The following PRKG1 variants were observed in gnomAD, a reference collection of about 807,000 sequenced individuals.
PRKG1 encodes cGMP-dependent protein kinase 1.
A neutral mutation model predicts 88.1 loss-of-function variants in PRKG1; 35 were observed. The ratio of observed to expected loss-of-function variants is 0.40; its 90% CI spans 0.30 to 0.53. The LOEUF (loss-of-function observed/expected upper bound fraction) is 0.53. Among genes scored for constraint, PRKG1 ranks in the 20% least tolerant of loss-of-function variants. The pLI is 0.59. For missense variants in PRKG1, 540 were observed against 839.8 expected, an observed-to-expected ratio of 0.64 and a Z score of 4.41; for synonymous variants, 303 against 292.5, an observed-to-expected ratio of 1.04 and a Z score of -0.37.
At chr10:51,848,307 A>G (rs1383600751) in intron 4 of PRKG1, among the ~76,000 whole-genome samples, 1 of 152,226 alleles carries the variant, frequency 6.6e-6, no homozygotes, top group African/African-American at 2.4e-5. Flanking sequence ...TAGATGTAAC[A>G]TGGAGAAAAA....
At chr10:52,117,198 G>GTGTGTGTGTGTA (rs1847709973) in intron 7 of PRKG1, among the ~76,000 whole-genome samples, 1 of 149,832 alleles carries the variant, frequency 6.7e-6, no homozygotes, top group Non-Finnish European at 1.5e-5. Flanking sequence ...GTGTGTGTGT[G>GTGTGTGTGTGTA]TGTATGATTG....
intron 3 of PRKG1, among the ~76,000 whole-genome samples, chr10:51,624,127 A>G (rs1839277152): frequency 6.6e-6 from 1 of 152,150 alleles, no homozygotes; most frequent in Non-Finnish European, 1.5e-5. Context: ...TATGTTAGAG[A>G]ATCTAATTTT....
At chr10:51,859,064 G>A (rs1437567618) in intron 4 of PRKG1, among the ~76,000 whole-genome samples, 1 of 152,128 alleles carries the variant, frequency 6.6e-6, no homozygotes, top group Non-Finnish European at 1.5e-5. Flanking sequence ...AAAGTGATGA[G>A]GCCCAGAGGA....
At position 52,043,472 on chromosome 10, in the gene PRKG1, A is replaced by G. The variant is rs79202790; in HGVS notation, c.763-11012A>G. On this transcript the variant is annotated intron_variant, in intron 5 of 17. Coordinates refer to ENST00000373980, the MANE Select transcript of PRKG1 (RefSeq NM_006258.4). ...AAATAAGTCAAACATAAAAAGCTAC[A>G]TACTGCATGATCTCACTTATATGTG... 3.5e-4 allele frequency among the ~76,000 whole-genome samples: 54 copies of G among 152,218 alleles called. No individual in the cohort carries two copies. The East Asian group carries it at 8.1e-3, about 23-fold the overall frequency.
chr10:51,478,755 A>AAG (rs60972191), intron 3 of PRKG1, among the ~76,000 whole-genome samples: 1 of 151,508 alleles, frequency 6.6e-6, no homozygotes, highest in Non-Finnish European at 1.5e-5. Context: ...AAAAAAAAAA[A>AAG]TGGGATTTTT....
chr10:51,043,730 G>A (rs1051070350), intron 1 of PRKG1, among the ~76,000 whole-genome samples: 8 of 152,098 alleles, frequency 5.3e-5, no homozygotes, highest in South Asian at 2.1e-4. Flanking sequence ...TTATCCCATA[G>A]CACAGTACAT....
At chr10:51,267,677 T>G (rs1177905200) in intron 2 of PRKG1, among the ~76,000 whole-genome samples, 1 of 152,172 alleles carries the variant, frequency 6.6e-6, no homozygotes, top group East Asian at 1.9e-4. Flanking sequence ...GTTCAAAGAC[T>G]TAAATCTAAG....
intron 5 of PRKG1, among the ~76,000 whole-genome samples, chr10:52,047,217 G>T (rs1487944036): frequency 6.6e-6 from 1 of 152,104 alleles, no homozygotes; most frequent in African/African-American, 2.4e-5. Context: ...TTCTTTTAGA[G>T]GATAGGAAGG....
intron 1 of PRKG1, among the ~76,000 whole-genome samples, chr10:51,011,494 AG>A (rs1564569874): frequency 4.6e-5 from 7 of 152,232 alleles, no homozygotes; most frequent in Non-Finnish European, 8.8e-5. Flanking sequence ...CTTCATACTT[AG>A]AAGTAACCTC....
intron 5 of PRKG1, chr10:51,909,219 G>A (rs181165015): frequency 2.6e-5 from 4 of 152,350 alleles, no homozygotes; most frequent in East Asian, 1.9e-4. Context: ...GAGATAAGAA[G>A]CTCAGGGAGA....
intron 2 of PRKG1, among the ~76,000 whole-genome samples, chr10:51,212,369 GA>G (rs1337912869): frequency 6.6e-6 from 1 of 152,136 alleles, no homozygotes; most frequent in Non-Finnish European, 1.5e-5. Flanking sequence ...AACCCTAGAA[GA>G]AAACTTAGGC....
At chr10:51,504,365 T>C (rs1048323230) in intron 3 of PRKG1, among the ~76,000 whole-genome samples, 2 of 152,174 alleles carry the variant, frequency 1.3e-5, no homozygotes, top group Non-Finnish European at 2.9e-5. Flanking sequence ...GCTATTTTGG[T>C]TACTGTAGCC....
At chr10:52,121,359 C>T (rs889197391) in intron 7 of PRKG1, among the ~76,000 whole-genome samples, 6 of 152,180 alleles carry the variant, frequency 3.9e-5, no homozygotes, top group African/African-American at 9.7e-5. Flanking sequence ...AGCAAACAGT[C>T]GCTTGACCAC....
chr10:51,087,946 G>A (rs1844296940), intron 1 of PRKG1, among the ~76,000 whole-genome samples: 1 of 152,060 alleles, frequency 6.6e-6, no homozygotes, highest in Admixed American at 6.6e-5. Context: ...TGTAGTTTTT[G>A]TAGAGACAAG....
At chr10:51,055,039 C>A (rs545948378) in intron 1 of PRKG1, among the ~76,000 whole-genome samples, 1 of 152,262 alleles carries the variant, frequency 6.6e-6, no homozygotes, top group South Asian at 2.1e-4. Flanking sequence ...CCTTTAATTT[C>A]CCCTGTATCC....
chr10:51,582,546 C>A (rs1215857487), intron 3 of PRKG1, among the ~76,000 whole-genome samples: 1 of 149,974 alleles, frequency 6.7e-6, no homozygotes, highest in Non-Finnish European at 1.5e-5. Context: ...TAAGTGAGAA[C>A]ATGCAGTGTT....
At chr10:51,057,149 T>C (rs751795646) in intron 1 of PRKG1, among the ~76,000 whole-genome samples, 1 of 152,240 alleles carries the variant, frequency 6.6e-6, no homozygotes, top group Non-Finnish European at 1.5e-5. Context: ...CACATATATA[T>C]TGTGTGTATA....
chr10:51,171,934 G>A (rs773659102), intron 2 of PRKG1, among the ~76,000 whole-genome samples: 1 of 151,834 alleles, frequency 6.6e-6, no homozygotes, highest in Non-Finnish European at 1.5e-5. Flanking sequence ...TGAATTAATT[G>A]CACAACTCAT....
intron 5 of PRKG1, among the ~76,000 whole-genome samples, chr10:51,990,988 A>G (rs187441328): frequency 6.6e-6 from 1 of 152,094 alleles, no homozygotes; most frequent in Non-Finnish European, 1.5e-5. Context: ...AGTTAATTCC[A>G]TGTCTTTGCT....
Sources: allele counts gnomAD v4.1 joint callset (sites outside exome capture counted in the v4.1 genomes callset), GRCh38; gene constraint gnomAD v4.1.1; transcripts MANE v1.5; gene names NCBI Gene and HGNC (gene_info 2026-07-23, HGNC 2026-07-21).